ROBO1: variants seen among roughly 807,000 people sequenced by gnomAD.
ROBO1 encodes the protein roundabout homolog 1.
A neutral mutation model predicts 195.9 loss-of-function variants in ROBO1; 149 were observed. The observed-to-expected ratio is 0.76, with a 90% confidence interval of 0.67 to 0.87. The LOEUF is 0.87. Ranked by LOEUF, ROBO1 falls within the 40% of genes least tolerant of loss-of-function variation. ROBO1 has a pLI of 0.00. For synonymous variants in ROBO1, 816 were observed against 733.2 expected (o/e 1.11, Z -1.82); for missense variants, 1,933 against 2,068.3 (o/e 0.93, Z 1.27).
intron 2 of ROBO1, among the ~76,000 whole-genome samples, chr3:79,202,945 C>T (rs1410006841): frequency 6.6e-6 from 1 of 152,094 alleles, no homozygotes; most frequent in African/African-American, 2.4e-5. Flanking sequence ...AAAGGAATGT[C>T]CTCTACCCTC....
At chr3:78,760,642 T>C (rs1330295881) in intron 4 of ROBO1, among the ~76,000 whole-genome samples, 1 of 152,204 alleles carries the variant, frequency 6.6e-6, no homozygotes, top group East Asian at 1.9e-4. Context: ...TGTTATATGC[T>C]TTTGTTGTTG....
intron 1 of ROBO1, among the ~76,000 whole-genome samples, chr3:79,733,369 T>G (rs1703238566): frequency 6.6e-6 from 1 of 152,204 alleles, no homozygotes; most frequent in Non-Finnish European, 1.5e-5. Flanking sequence ...ATATTGTTGT[T>G]AGGATATAGG....
At chr3:79,433,783 G>A (rs1056702925) in intron 2 of ROBO1, among the ~76,000 whole-genome samples, 2 of 152,090 alleles carry the variant, frequency 1.3e-5, no homozygotes, top group African/African-American at 4.8e-5. Context: ...GAGGCATCAC[G>A]CTATCTGACT....
intron 2 of ROBO1, among the ~76,000 whole-genome samples, chr3:79,149,873 G>A (rs1261539599): frequency 6.6e-6 from 1 of 151,780 alleles, no homozygotes; most frequent in Admixed American, 6.6e-5. Context: ...CTGATGGCAG[G>A]CCTTGTTAAG....
At chr3:79,277,599 C>T (rs1354303805) in intron 2 of ROBO1, among the ~76,000 whole-genome samples, 2 of 151,838 alleles carry the variant, frequency 1.3e-5, no homozygotes, top group Non-Finnish European at 2.9e-5. Flanking sequence ...ATTTATTGTA[C>T]ATTTAAAAAT....
chr3:78,627,071 G>A (rs1704842194), intron 26 of ROBO1, among the ~76,000 whole-genome samples: 1 of 152,172 alleles, frequency 6.6e-6, no homozygotes, highest in Non-Finnish European at 1.5e-5. Flanking sequence ...GGTTATGAAT[G>A]TAATAGTTGT....
chr3:78,599,865 A>C (rs1192544344), intron 30 of ROBO1, among the ~76,000 whole-genome samples: 1 of 152,228 alleles, frequency 6.6e-6, no homozygotes, highest in Non-Finnish European at 1.5e-5. Context: ...TATGTTTCTT[A>C]TCTGAAAATC....
chr3:78,604,472 T>C (rs1183195168), intron 29 of ROBO1, among the ~76,000 whole-genome samples: 1 of 152,222 alleles, frequency 6.6e-6, no homozygotes, highest in African/African-American at 2.4e-5. Flanking sequence ...GAATCACTAT[T>C]TGGAGTCGAG....
chr3:79,508,456 T>A (rs535643638), intron 2 of ROBO1, among the ~76,000 whole-genome samples: 2 of 152,280 alleles, frequency 1.3e-5, no homozygotes, highest in South Asian at 4.1e-4. Context: ...ACCCTCAATC[T>A]GTGGTGCTTT....
At chr3:79,492,684 A>G (rs1346943590) in intron 2 of ROBO1, among the ~76,000 whole-genome samples, 1 of 152,072 alleles carries the variant, frequency 6.6e-6, no homozygotes, top group Non-Finnish European at 1.5e-5. Context: ...CTATAAACAC[A>G]AAAAATATTA....
chr3:79,209,508 G>C (rs770906347), intron 2 of ROBO1, among the ~76,000 whole-genome samples: 1 of 151,262 alleles, frequency 6.6e-6, no homozygotes, highest in Non-Finnish European at 1.5e-5. Flanking sequence ...TTTTCCTTTG[G>C]GTAGCTACCC....
At chr3:79,547,184 C>CAAAAAAAAAAAAAA (rs1162585941) in intron 2 of ROBO1, among the ~76,000 whole-genome samples, 2 of 23,276 alleles carry the variant, frequency 8.6e-5, no homozygotes, top group African/African-American at 1.5e-4. Context: ...GACTCCGCCT[C>CAAAAAAAAAAAAAA]AAAAAAAAAA....
At chr3:78,819,053 C>T (rs2030533752) in intron 4 of ROBO1, among the ~76,000 whole-genome samples, 2 of 152,020 alleles carry the variant, frequency 1.3e-5, no homozygotes, top group African/African-American at 4.8e-5. Context: ...CCGTTTCTGG[C>T]GACCATTGGG....
At chr3:79,614,406 T>C (rs531494518) in intron 1 of ROBO1, among the ~76,000 whole-genome samples, 24 of 152,150 alleles carry the variant, frequency 1.6e-4, no homozygotes, top group African/African-American at 5.5e-4. Context: ...AAATAAAATA[T>C]GTTGAACTAA....
intron 4 of ROBO1, among the ~76,000 whole-genome samples, chr3:78,875,312 T>C (rs1013970124): frequency 6.6e-6 from 1 of 151,868 alleles, no homozygotes; most frequent in Non-Finnish European, 1.5e-5. Flanking sequence ...GGATAGTAGA[T>C]CAGCAATTGT....
intron 8 of ROBO1, among the ~76,000 whole-genome samples, chr3:78,704,705 G>C (rs1446110392): frequency 6.6e-6 from 1 of 150,620 alleles, no homozygotes; most frequent in Non-Finnish European, 1.5e-5. Flanking sequence ...AATTAGGCAG[G>C]CATGGTGGCA....
At chr3:79,372,130 G>A (rs569530065) in intron 2 of ROBO1, among the ~76,000 whole-genome samples, 4 of 152,050 alleles carry the variant, frequency 2.6e-5, no homozygotes, top group South Asian at 2.1e-4. Flanking sequence ...CCTGCTATGC[G>A]GTCTGGTTCT....
intron 29 of ROBO1, among the ~76,000 whole-genome samples, chr3:78,601,071 C>G (rs1703142131): frequency 6.6e-6 from 1 of 152,112 alleles, no homozygotes; most frequent in African/African-American, 2.4e-5. Flanking sequence ...GATGCATCAG[C>G]CAGCTGCTCA....
chr3:78,979,171 C>T (rs191070396), intron 3 of ROBO1, among the ~76,000 whole-genome samples: 4 of 152,164 alleles, frequency 2.6e-5, no homozygotes, highest in Non-Finnish European at 5.9e-5. Context: ...TTAGTGCTTT[C>T]CTAATCCCAT....
Sources: gnomAD v4.1 joint callset for allele counts (sites outside exome capture counted in the v4.1 genomes callset) on GRCh38, gnomAD v4.1.1 for gene constraint, MANE v1.5 for transcripts, NCBI Gene and HGNC (gene_info 2026-07-23, HGNC 2026-07-21) for gene names.